The following LHX6 variants were observed in gnomAD, a reference collection of about 807,000 sequenced individuals.
LHX6 encodes LIM/homeobox protein Lhx6.
Under a neutral mutation model 47.1 loss-of-function variants are expected in LHX6, and 15 were observed. The observed-to-expected ratio is 0.32, with a 90% CI of 0.21 to 0.49. LHX6 has a LOEUF of 0.49. Ranked by LOEUF, LHX6 falls within the 20% of genes least tolerant of loss-of-function variation. The pLI, the probability that LHX6 is intolerant of heterozygous loss-of-function variation, is 0.99. For missense variants in LHX6, 404 were observed against 539.6 expected (o/e 0.75, Z 2.49); for synonymous variants, 242 against 233.5 (o/e 1.04, Z -0.33).
At chr9:122,219,306 G>A (rs938152553) in intron 4 of LHX6, among the ~76,000 whole-genome samples, 2 of 152,240 alleles carry the variant, frequency 1.3e-5, no homozygotes, top group African/African-American at 4.8e-5. Flanking sequence ...CCCTCAGGAG[G>A]CGCAGAGCAC....
At chr9:122,228,486 A>AC (rs398012140) in intron 1 of LHX6, 171 bp downstream of exon 1, 133,779 of 1,105,944 alleles carry the variant, frequency 0.12, 1,569 homozygotes, top group African/African-American at 0.16. Flanking sequence ...GCTTTCCGCG[A>AC]CCCCCCCCCC....
In LHX6 at chr9:122,226,360, G is replaced by T; in HGVS notation, c.461+16C>A. On this transcript the variant is annotated intron_variant, in intron 4 of 9. Transcript: ENST00000394319. The surrounding 1 kb of genome is among the most constrained non-coding windows in gnomAD (Gnocchi z 6.5). ...CTGCCCTCGGCGACACTGCTGGCTC[G>T]GCGGCCGCAGCCTACCTGAAGTAGT... 1.2e-6 allele frequency: 2 copies of T among 1,604,810 alleles called. No homozygotes were observed. Among genetic ancestry groups the T allele is most frequent in the Non-Finnish European group, 1.7e-6 (2 of 1,174,874 alleles).
Position 122,214,453 on chromosome 9 carries a change from T to TG in LHX6, c.683-71dup, listed in dbSNP as rs1830522532. 3 of 1,432,686 alleles carry TG rather than the reference T, an allele frequency of 2.1e-6. No individual in the cohort carries two copies. The highest frequency in any genetic ancestry group is 2.9e-5 in the Admixed American group (1 of 34,952). 88.7% of individuals were successfully genotyped at this position (1,432,686 alleles called of 1,614,324 possible). A position where few individuals can be genotyped will look rare whatever the true frequency, so the allele number is the denominator to read the frequency against. ...AGTGGCAGCCTGGAAAGGACGGGGG[T>TG]GGGGGGAGCTTGTCCCTGGAAGGGT... On this transcript the variant is annotated intron_variant, in intron 5 of 9. Coordinates refer to ENST00000394319, the MANE Select transcript of LHX6 (RefSeq NM_014368.5). This position sits in a 1 kb window ranked among gnomAD's most constrained non-coding sequence, Gnocchi z 4.6.
chr9:122,223,157 T>C (rs183815111), intron 4 of LHX6, among the ~76,000 whole-genome samples: 31 of 152,124 alleles, frequency 2.0e-4, no homozygotes, highest in African/African-American at 7.0e-4. Context: ...TTTTTGTGGG[T>C]TTTATTATTT....
chr9:122,227,200 C>T, intron 2 of LHX6, 170 bp from the exon 3 acceptor site: 4 of 764,164 alleles, frequency 5.2e-6, no homozygotes, highest in South Asian at 2.1e-5. Context: ...GAGGAAGGGA[C>T]GGCCCCAACT....
rs916517399 is a variant in LHX6, at chr9:122,226,257, C to T, written c.461+119G>A. Reference sequence around the variant, plus strand: ...GGCAGGTTGGACCAGCGCTGCGCGCCGGAAGTGCACTCGGGACGCCGGGGT... The same window carrying T: ...GGCAGGTTGGACCAGCGCTGCGCGCTGGAAGTGCACTCGGGACGCCGGGGT... On this transcript the variant is annotated intron_variant, in intron 4 of 9. Coordinates refer to ENST00000394319, the MANE Select transcript of LHX6 (RefSeq NM_014368.5). This position sits in a 1 kb window ranked among gnomAD's most constrained non-coding sequence, Gnocchi z 6.5. The T allele has an allele frequency of 2.3e-6, 3 of 1,324,234 alleles. No homozygotes were observed. The highest frequency in any genetic ancestry group is 3.1e-6 in the Non-Finnish European group (3 of 982,850). 82.0% of individuals were successfully genotyped at this position (1,324,234 alleles called of 1,614,324 possible).
Position 122,213,722 on chromosome 9 carries a change from G to C in LHX6, c.938C>G (p.Pro313Arg). ...GCGGGACGGGGGCGCCCCCGAGGGC[G>C]GCACTGGGTGTTGCGGCGTGTGCTT... is the stretch of plus-strand genomic sequence containing the variant. Reference protein sequence around the residue: ...HKKHTPQHPVPPSGAPPSRLP... With the variant: ...HKKHTPQHPVRPSGAPPSRLP... The change falls in exon 8 of 10, where the codon CCG becomes CGG. Residue 313 changes from proline to arginine, a missense_variant. By Grantham distance (103) the Pro-to-Arg change is moderately radical. This residue lies in a region of LHX6 where 127 missense variants were observed against 116.1 expected (regional missense o/e 1.09). Transcript: ENST00000394319. The surrounding 1 kb of genome is among the most constrained non-coding windows in gnomAD (Gnocchi z 5.5). The C allele has an allele frequency of 6.2e-7, 1 of 1,611,674 alleles. No homozygotes were observed. Among genetic ancestry groups the C allele is most frequent in the East Asian group, 2.2e-5 (1 of 44,810 alleles).
Position 122,203,235 on chromosome 9 carries a change from A to G in LHX6, c.*1525T>C, listed in dbSNP as rs1265265357. ...GAATGACCTATAGGCTTTCATGTTA[A>G]GTGCCAACGTCAAGCATTTGAACTC... On this transcript the variant is annotated 3_prime_UTR_variant, in exon 10 of 10. Coordinates refer to ENST00000394319, the MANE Select transcript of LHX6 (RefSeq NM_014368.5). 1 of 152,650 alleles carries G rather than the reference A, an allele frequency of 6.6e-6. No homozygotes were observed. The highest frequency in any genetic ancestry group is 1.5e-5 in the Non-Finnish European group (1 of 68,046). 9.5% of individuals were successfully genotyped at this position (152,650 alleles called of 1,614,324 possible).
chr9:122,225,710 A>T (rs1190963987), intron 4 of LHX6, among the ~76,000 whole-genome samples: 1 of 152,236 alleles, frequency 6.6e-6, no homozygotes, highest in Admixed American at 6.5e-5. Context: ...GGGCCTGCGC[A>T]TGACCCCAGG....
chr9:122,227,499 G>GCA lies in LHX6; in HGVS notation c.85-20_85-19insTG. 11 of 656,138 alleles carry GCA rather than the reference G, an allele frequency of 1.7e-5. No homozygotes were observed. Among genetic ancestry groups the GCA allele is most frequent in the East Asian group, 1.1e-4 (2 of 18,936 alleles). The allele number at this position is 656,138 out of a possible 1,614,324, so 40.6% of individuals were successfully genotyped here. On this transcript the variant is annotated intron_variant, in intron 1 of 9. Transcript: ENST00000394319. ...CCATCACCTGGGGGAGGGGGGGAGG[G>GCA]AACGCAGGCGGCGGCGGCTGCTGAA...
At chr9:122,210,245 C>T (rs866880234) in intron 8 of LHX6, among the ~76,000 whole-genome samples, 11 of 131,338 alleles carry the variant, frequency 8.4e-5, no homozygotes, top group South Asian at 2.3e-4. Context: ...TAAAGAGCTA[C>T]GTGAGAGTGA....
chr9:122,209,147 C>G (rs892155947), intron 9 of LHX6, among the ~76,000 whole-genome samples: 2 of 152,230 alleles, frequency 1.3e-5, no homozygotes, highest in Non-Finnish European at 2.9e-5. Flanking sequence ...GTCCTAAAGC[C>G]TGAGACAACC....
intron 5 of LHX6, among the ~76,000 whole-genome samples, chr9:122,215,221 T>A (rs1830551322): frequency 6.6e-6 from 1 of 152,094 alleles, no homozygotes; most frequent in African/African-American, 2.4e-5. Context: ...TAGGAAAAAA[T>A]TATGTTGAAG....
intron 4 of LHX6, among the ~76,000 whole-genome samples, chr9:122,225,475 G>C (rs991220615): frequency 7.9e-5 from 12 of 152,266 alleles, no homozygotes; most frequent in African/African-American, 2.9e-4. Context: ...CGAGGCCCAG[G>C]CGAGTGGCCA....
chr9:122,211,508 G>A (rs1208735006), intron 8 of LHX6, among the ~76,000 whole-genome samples: 1 of 152,144 alleles, frequency 6.6e-6, no homozygotes, highest in East Asian at 1.9e-4. Context: ...CTGGGGTCTG[G>A]TTCTAACACT....
In LHX6 at chr9:122,228,912, G is replaced by T. The variant is rs865818476; in HGVS notation, c.-172C>A. ...CCGCCCCCGGCCCGCGCGCAGCCCC[G>T]GCCTCCCTGGCTGCTGCCGCCGCTG... On this transcript the variant is annotated 5_prime_UTR_variant, in exon 1 of 10. Transcript: ENST00000394319. The T allele has an allele frequency of 4.2e-6, 1 of 236,524 alleles. No homozygotes were observed. The highest frequency in any genetic ancestry group is 7.4e-6 in the Non-Finnish European group (1 of 135,734). 14.7% of individuals were successfully genotyped at this position (236,524 alleles called of 1,614,324 possible).
chr9:122,223,804 G>C (rs1830975862), intron 4 of LHX6, among the ~76,000 whole-genome samples: 1 of 152,184 alleles, frequency 6.6e-6, no homozygotes. Flanking sequence ...AGTCCAGCAT[G>C]GGCATGGGCT....
At chr9:122,211,145 A>G (rs559316287) in intron 8 of LHX6, among the ~76,000 whole-genome samples, 1 of 152,346 alleles carries the variant, frequency 6.6e-6, no homozygotes, top group South Asian at 2.1e-4. Flanking sequence ...ACAGCGGAGA[A>G]GTCCATTGCT....
intron 4 of LHX6, chr9:122,221,370 C>T: frequency 1.0e-6 from 1 of 985,682 alleles, no homozygotes; most frequent in Non-Finnish European, 1.2e-6. Flanking sequence ...CGCTCTCTGC[C>T]GCGGTGGGGG....
Sources: allele counts gnomAD v4.1 joint callset (sites outside exome capture counted in the v4.1 genomes callset), GRCh38; gene constraint gnomAD v4.1.1; regional missense constraint gnomAD v4.1.1; non-coding constraint Gnocchi (gnomAD v3.1); transcripts MANE v1.5; gene names NCBI Gene and HGNC (gene_info 2026-07-23, HGNC 2026-07-21).